The following FARS2 variants were observed in gnomAD, a reference collection of about 807,000 sequenced individuals.
The protein encoded by FARS2 is phenylalanine--tRNA ligase, mitochondrial.
Under a neutral mutation model 46.4 loss-of-function variants are expected in FARS2, and 40 were observed. The observed-to-expected ratio is 0.86, with a 90% CI of 0.67 to 1.12. The LOEUF is 1.12. Ranked by LOEUF, FARS2 falls within the 50% of genes most tolerant of loss-of-function variation. The pLI is 0.00. For synonymous variants in FARS2, 234 were observed against 214.9 expected (o/e 1.09, Z -0.78); for missense variants, 513 against 567.9 (o/e 0.90, Z 0.98).
At chr6:5,746,374 A>G (rs895051247) in intron 6 of FARS2, among the ~76,000 whole-genome samples, 2 of 152,120 alleles carry the variant, frequency 1.3e-5, no homozygotes, top group African/African-American at 2.4e-5. Flanking sequence ...GTGTTTGACA[A>G]CGGCAGGTTT....
At chr6:5,694,758 C>T (rs554426492) in intron 6 of FARS2, 5 of 150,766 alleles carry the variant, frequency 3.3e-5, no homozygotes, top group African/African-American at 1.2e-4. Flanking sequence ...AATCCCAGCC[C>T]TTTGGAGGCC....
intron 5 of FARS2, among the ~76,000 whole-genome samples, chr6:5,576,378 C>T (rs890472134): frequency 6.6e-6 from 1 of 151,936 alleles, no homozygotes; most frequent in African/African-American, 2.4e-5. Context: ...GGCCTAGCCT[C>T]CCAGCCTACA....
intron 5 of FARS2, among the ~76,000 whole-genome samples, chr6:5,581,581 GA>G (rs1773330978): frequency 6.6e-6 from 1 of 152,176 alleles, no homozygotes; most frequent in Non-Finnish European, 1.5e-5. Flanking sequence ...CCCTCCAGCT[GA>G]CAGCTGCTTT....
At chr6:5,674,604 A>T (rs1017262589) in intron 6 of FARS2, among the ~76,000 whole-genome samples, 1 of 152,208 alleles carries the variant, frequency 6.6e-6, no homozygotes, top group Non-Finnish European at 1.5e-5. Flanking sequence ...GTTTGTGGTC[A>T]TTCAAATTTG....
At chr6:5,423,646 G>A (rs1413674015) in intron 3 of FARS2, among the ~76,000 whole-genome samples, 1 of 152,122 alleles carries the variant, frequency 6.6e-6, no homozygotes, top group Non-Finnish European at 1.5e-5. Context: ...ATGCTTGGGA[G>A]GTCCCACACT....
At chr6:5,721,916 T>C (rs990480868) in intron 6 of FARS2, among the ~76,000 whole-genome samples, 3 of 152,258 alleles carry the variant, frequency 2.0e-5, no homozygotes, top group African/African-American at 7.2e-5. Flanking sequence ...GACAACCTTG[T>C]GCTTCAGCGT....
chr6:5,486,118 A>G (rs1275598244), intron 4 of FARS2, among the ~76,000 whole-genome samples: 1 of 152,234 alleles, frequency 6.6e-6, no homozygotes, highest in Admixed American at 6.5e-5. Flanking sequence ...TAATGAATAT[A>G]AAGTGCTTAG....
At chr6:5,260,757 G>A (rs1251470886), upstream of FARS2, 3 of 1,540,668 alleles carry the variant, frequency 1.9e-6, no homozygotes, top group Non-Finnish European at 2.6e-6. Flanking sequence ...AAAAATAAAC[G>A]GGTCCTCTTC....
chr6:5,261,418 CG>C, upstream of FARS2: 1 of 153,286 alleles, frequency 6.5e-6, no homozygotes, highest in Non-Finnish European at 1.5e-5. Context: ...TTCCTCAGGC[CG>C]GGGGATGCGA....
chr6:5,336,293 G>A (rs1171795841), intron 1 of FARS2, among the ~76,000 whole-genome samples: 1 of 151,338 alleles, frequency 6.6e-6, no homozygotes, highest in Non-Finnish European at 1.5e-5. Context: ...AAATAAGACA[G>A]CCTTTTTTTC....
At chr6:5,678,778 G>A (rs1404648140) in intron 6 of FARS2, among the ~76,000 whole-genome samples, 2 of 152,198 alleles carry the variant, frequency 1.3e-5, no homozygotes, top group African/African-American at 4.8e-5. Flanking sequence ...TTTAAAGTCT[G>A]TGAGTTACAG....
In FARS2 at chr6:5,377,728, G is replaced by T. The variant is rs931908023; in HGVS notation, c.612+8546G>T. Reference sequence around the variant, plus strand: ...GAGCAATATACCAATTTTTATAAAGGTATATTTATTTATTTTAAAGAGCTC... The same window carrying T: ...GAGCAATATACCAATTTTTATAAAGTTATATTTATTTATTTTAAAGAGCTC... On this transcript the variant is annotated intron_variant, in intron 2 of 6. Coordinates refer to ENST00000274680, the MANE Select transcript of FARS2 (RefSeq NM_006567.5). Among the ~76,000 whole-genome samples the T allele has an allele frequency of 2.6e-5, 4 of 152,002 alleles. No individual in the cohort carries two copies. The East Asian group carries it at 5.8e-4, about 22-fold the overall frequency.
At chr6:5,264,292 T>C (rs976860717) in intron 1 of FARS2, among the ~76,000 whole-genome samples, 6 of 152,094 alleles carry the variant, frequency 3.9e-5, no homozygotes, top group African/African-American at 1.4e-4. Flanking sequence ...ATTATTCTAT[T>C]CTACACCACA....
intron 2 of FARS2, chr6:5,371,094 G>GTA (rs1256524810): frequency 1.8e-6 from 1 of 569,502 alleles, no homozygotes; most frequent in Non-Finnish European, 2.2e-6. Context: ...CTGTTTTTCT[G>GTA]TATTCTGCTT....
chr6:5,491,786 C>T (rs12204105), intron 4 of FARS2, among the ~76,000 whole-genome samples: 46,513 of 152,116 alleles, frequency 0.31, 7,422 homozygotes, highest in African/African-American at 0.35. Context: ...CCAGATATCA[C>T]AGGCTACTGC....
chr6:5,279,233 C>T (rs553357423), intron 1 of FARS2, among the ~76,000 whole-genome samples: 12 of 151,734 alleles, frequency 7.9e-5, no homozygotes, highest in South Asian at 4.2e-4. Flanking sequence ...AAAAATTAGC[C>T]GGGCATGGTG....
At chr6:5,322,394 C>A (rs1369494158) in intron 1 of FARS2, among the ~76,000 whole-genome samples, 1 of 152,028 alleles carries the variant, frequency 6.6e-6, no homozygotes, top group Non-Finnish European at 1.5e-5. Context: ...GGTTATGAAC[C>A]ACAATGAAGA....
intron 3 of FARS2, among the ~76,000 whole-genome samples, chr6:5,428,458 CT>C (rs1762971091): frequency 6.6e-6 from 1 of 152,118 alleles, no homozygotes; most frequent in Non-Finnish European, 1.5e-5. Flanking sequence ...CCTGTTCCTG[CT>C]TTTGGTAAAA....
intron 6 of FARS2, among the ~76,000 whole-genome samples, chr6:5,673,380 T>C (rs1778581820): frequency 6.6e-6 from 1 of 152,198 alleles, no homozygotes; most frequent in Admixed American, 6.5e-5. Flanking sequence ...AAAACATTCC[T>C]TCATTCCCTT....
Sources: gnomAD v4.1 joint callset for allele counts (sites outside exome capture counted in the v4.1 genomes callset) on GRCh38, gnomAD v4.1.1 for gene constraint, MANE v1.5 for transcripts, NCBI Gene and HGNC (gene_info 2026-07-23, HGNC 2026-07-21) for gene names.